The following STAG1 variants were observed in gnomAD, a reference collection of about 807,000 sequenced individuals.
The protein encoded by STAG1 is cohesin subunit SA-1.
Under a neutral mutation model 170.9 loss-of-function variants are expected in STAG1, and 26 were observed. The ratio of observed to expected loss-of-function variants is 0.15; its 90% CI spans 0.11 to 0.21. STAG1 has a LOEUF of 0.21. STAG1 is among the 10% of genes least tolerant of loss of function. The pLI is 1.00. For missense variants in STAG1, 964 were observed against 1,509.5 expected, an observed-to-expected ratio of 0.64 and a Z score of 5.99; for synonymous variants, 514 against 497.7, an observed-to-expected ratio of 1.03 and a Z score of -0.44.
At chr3:136,392,669 C>T (rs959956497) in intron 22 of STAG1, among the ~76,000 whole-genome samples, 2 of 149,266 alleles carry the variant, frequency 1.3e-5, no homozygotes, top group Non-Finnish European at 3.0e-5. Flanking sequence ...GGGAGGCTGA[C>T]GGAGGACAAT....
At chr3:136,451,108 G>A (rs1436670282) in intron 14 of STAG1, among the ~76,000 whole-genome samples, 2 of 151,516 alleles carry the variant, frequency 1.3e-5, no homozygotes, top group Non-Finnish European at 2.9e-5. Flanking sequence ...GAGTTCTTCA[G>A]GTTTAATTTA....
intron 22 of STAG1, among the ~76,000 whole-genome samples, chr3:136,384,151 T>C (rs2108317494): frequency 6.6e-6 from 1 of 151,952 alleles, no homozygotes; most frequent in East Asian, 2.0e-4. Flanking sequence ...CAGGCAGCAT[T>C]ATGAAAGTAA....
chr3:136,623,218 G>A lies in STAG1; in HGVS notation c.60C>T (p.Ser20=), dbSNP rs767845060. ...TTTCTTCAAGCTCGCTGCCAGCATC[G>A]GAATGGGCAGTAGTTTCATTAGTTG... is the stretch of plus-strand genomic sequence containing the variant. The part of the protein sequence containing the change: ...QDSTNETTAH[S]DAGSELEETE... Residue 20 remains serine, a synonymous_variant, in exon 3 of 34, where the codon TCC becomes TCT. Coordinates refer to ENST00000383202, the MANE Select transcript of STAG1 (RefSeq NM_005862.3). 1.2e-5 allele frequency: 19 copies of A among 1,613,328 alleles called. No homozygotes were observed. The highest frequency in any genetic ancestry group is 1.4e-5 in the Non-Finnish European group (17 of 1,179,606).
At chr3:136,488,183 C>G (rs2090054090) in intron 9 of STAG1, among the ~76,000 whole-genome samples, 1 of 152,222 alleles carries the variant, frequency 6.6e-6, no homozygotes, top group South Asian at 2.1e-4. Flanking sequence ...AGTGCAGTGG[C>G]ATGATCTCGG....
intron 4 of STAG1, among the ~76,000 whole-genome samples, chr3:136,585,725 T>C (rs970268379): frequency 6.6e-6 from 1 of 152,210 alleles, no homozygotes. Flanking sequence ...AGAAATCCTG[T>C]ACTGAGATCA....
At chr3:136,621,061 C>T (rs559830312) in intron 3 of STAG1, among the ~76,000 whole-genome samples, 44 of 151,758 alleles carry the variant, frequency 2.9e-4, no homozygotes, top group Non-Finnish European at 5.0e-4. Flanking sequence ...CCAGGAGGCA[C>T]GGGTTGCAGT....
chr3:136,543,704 T>C (rs935817978), intron 5 of STAG1, among the ~76,000 whole-genome samples: 4 of 152,188 alleles, frequency 2.6e-5, no homozygotes, highest in Non-Finnish European at 5.9e-5. Flanking sequence ...GGTGATAATA[T>C]CACTGCAGAG....
intron 18 of STAG1, 65 bp from the exon 19 acceptor site, chr3:136,422,678 T>A (rs2087992754): frequency 1.3e-6 from 2 of 1,543,422 alleles, no homozygotes; most frequent in Non-Finnish European, 1.8e-6. Flanking sequence ...AAAATTAGCA[T>A]CTGTCAAATA....
chr3:136,635,421 A>C (rs747411445), intron 1 of STAG1, among the ~76,000 whole-genome samples: 4 of 152,222 alleles, frequency 2.6e-5, no homozygotes, highest in Non-Finnish European at 5.9e-5. Context: ...TCCAACACCC[A>C]TTCATAATAA....
chr3:136,537,186 GC>G (rs1935674034), intron 6 of STAG1, among the ~76,000 whole-genome samples: 2 of 152,106 alleles, frequency 1.3e-5, no homozygotes, highest in South Asian at 4.1e-4. Flanking sequence ...AGTGATGTAT[GC>G]AACACAAATG....
intron 5 of STAG1, among the ~76,000 whole-genome samples, chr3:136,567,190 C>T (rs1234681224): frequency 2.0e-5 from 3 of 152,130 alleles, no homozygotes; most frequent in Non-Finnish European, 4.4e-5. Context: ...CTACTAATTG[C>T]TTTCAAATTA....
intron 1 of STAG1, among the ~76,000 whole-genome samples, chr3:136,708,141 T>C (rs954341457): frequency 6.6e-6 from 1 of 152,188 alleles, no homozygotes; most frequent in Non-Finnish European, 1.5e-5. Context: ...ATTCCACTTC[T>C]AGGTATACAC....
At chr3:136,429,294 G>A (rs949340237) in intron 16 of STAG1, among the ~76,000 whole-genome samples, 1 of 151,868 alleles carries the variant, frequency 6.6e-6, no homozygotes, top group East Asian at 1.9e-4. Flanking sequence ...GTAATCCCTG[G>A]TACTTGGGAG....
At chr3:136,672,467 A>C (rs181561363) in intron 1 of STAG1, among the ~76,000 whole-genome samples, 1 of 152,228 alleles carries the variant, frequency 6.6e-6, no homozygotes, top group African/African-American at 2.4e-5. Flanking sequence ...TGTATTCCTA[A>C]ACAAGCATCT....
intron 1 of STAG1, among the ~76,000 whole-genome samples, chr3:136,706,958 T>A (rs182147991): frequency 6.6e-6 from 1 of 152,040 alleles, no homozygotes; most frequent in Non-Finnish European, 1.5e-5. Flanking sequence ...GGGGAAGAAA[T>A]AGTCTCTTCA....
chr3:136,701,395 C>T (rs1943056447), intron 1 of STAG1, among the ~76,000 whole-genome samples: 1 of 152,094 alleles, frequency 6.6e-6, no homozygotes, highest in Admixed American at 6.5e-5. Flanking sequence ...CACCACCATT[C>T]CCATCCTCGT....
At chr3:136,751,581 T>C (rs1935242118) in intron 1 of STAG1, among the ~76,000 whole-genome samples, 1 of 151,668 alleles carries the variant, frequency 6.6e-6, no homozygotes, top group South Asian at 2.1e-4. Context: ...CATTGATGCA[T>C]CTCCCCCAGC....
At chr3:136,530,573 A>G (rs1460488036) in intron 6 of STAG1, among the ~76,000 whole-genome samples, 3 of 152,216 alleles carry the variant, frequency 2.0e-5, no homozygotes, top group Admixed American at 2.0e-4. Context: ...ATATCTTCTC[A>G]GACCACAATG....
chr3:136,401,945 T>C (rs1238258000), intron 21 of STAG1, among the ~76,000 whole-genome samples: 3 of 152,000 alleles, frequency 2.0e-5, no homozygotes, highest in Non-Finnish European at 4.4e-5. Context: ...GGGTTCACCA[T>C]GTTGGTCAGG....
Sources: allele counts gnomAD v4.1 joint callset (sites outside exome capture counted in the v4.1 genomes callset), GRCh38; gene constraint gnomAD v4.1.1; transcripts MANE v1.5; gene names NCBI Gene and HGNC (gene_info 2026-07-23, HGNC 2026-07-21).